VWF: variants seen among roughly 807,000 people sequenced by gnomAD.
The protein encoded by VWF is von Willebrand factor.
VWF carries 176 observed loss-of-function variants against 308.6 expected under a neutral mutation model. The ratio of observed to expected loss-of-function variants is 0.57; its 90% CI spans 0.50 to 0.65. The LOEUF (loss-of-function observed/expected upper bound fraction) is 0.65. Ranked by LOEUF, VWF falls within the 30% of genes least tolerant of loss-of-function variation. The probability of loss-of-function intolerance (pLI) is 0.00; values close to 1 mark genes in which losing one functional copy is unlikely to be tolerated. For missense variants in VWF, 3,146 were observed against 3,648.2 expected (o/e 0.86, Z 3.55); for synonymous variants, 1,385 against 1,443.4 (o/e 0.96, Z 0.92).
chr12:6,023,910 A>G (rs1359292213), intron 24 of VWF, 123 bp from the exon 25 acceptor site: 3 of 1,016,676 alleles, frequency 3.0e-6, no homozygotes, highest in Non-Finnish European at 3.0e-6. Flanking sequence ...AGAAGGAGAA[A>G]TGTAGCTCAA....
At chr12:6,043,591 T>G (rs1221757942) in intron 18 of VWF, among the ~76,000 whole-genome samples, 1 of 152,234 alleles carries the variant, frequency 6.6e-6, no homozygotes, top group African/African-American at 2.4e-5. Context: ...CTGGCTAAGA[T>G]TAGACTTGGG....
chr12:6,086,804 T>C (rs576571407), intron 6 of VWF, among the ~76,000 whole-genome samples: 13 of 152,190 alleles, frequency 8.5e-5, no homozygotes, highest in Non-Finnish European at 1.5e-4. Flanking sequence ...AATGAGAACA[T>C]GAAGAGTGAA....
intron 20 of VWF, among the ~76,000 whole-genome samples, chr12:6,033,898 G>T (rs889466516): frequency 2.0e-5 from 3 of 152,208 alleles, no homozygotes; most frequent in African/African-American, 7.2e-5. Context: ...GGAGACAGAG[G>T]GACCATATTT....
chr12:6,049,691 C>T (rs908762382), intron 16 of VWF, among the ~76,000 whole-genome samples: 3 of 152,256 alleles, frequency 2.0e-5, no homozygotes, highest in African/African-American at 7.2e-5. Flanking sequence ...CAAGTCATGC[C>T]TGCCCAACAG....
intron 47 of VWF, among the ~76,000 whole-genome samples, chr12:5,959,838 A>C (rs1393412025): frequency 6.6e-6 from 1 of 151,840 alleles, no homozygotes; most frequent in Non-Finnish European, 1.5e-5. Flanking sequence ...TACAGCAAAA[A>C]CAGTTCTTGA....
Position 6,018,407 on chromosome 12 carries a change from A to G in VWF, c.5011T>C (p.Ser1671Pro). The G allele has an allele frequency of 6.2e-7, 1 of 1,611,672 alleles. No homozygotes were observed. The highest frequency in any genetic ancestry group is 1.8e-4 in the Middle Eastern group (1 of 5,650). ...GTGGGGATCTGCAGCCCCTCTCCGG[A>G]GCAGCACCTCTGCAGCACCAGGTCA... is the stretch of plus-strand genomic sequence containing the variant. ...APDLVLQRCC[S>P]GEGLQIPTLS... The change falls in exon 28 of 52, where the codon TCC becomes CCC. Residue 1671 changes from serine (S) to proline (P), a missense_variant. Ser to Pro is a moderately conservative substitution (Grantham distance 74). This residue lies in a region of VWF where 853 missense variants were observed against 1,177.8 expected (regional missense o/e 0.72). Coordinates refer to ENST00000261405, the MANE Select transcript of VWF (RefSeq NM_000552.5).
intron 21 of VWF, 101 bp downstream of exon 21, chr12:6,031,341 TTA>T: frequency 9.4e-6 from 15 of 1,597,286 alleles, no homozygotes; most frequent in Non-Finnish European, 1.2e-5. Context: ...TGGCTGTGCG[TTA>T]TTCCATTCAC....
chr12:6,048,638 T>G (rs1944473847), intron 16 of VWF, among the ~76,000 whole-genome samples: 1 of 152,056 alleles, frequency 6.6e-6, no homozygotes, highest in Non-Finnish European at 1.5e-5. Context: ...AATTTTTGTA[T>G]GTTTAGTGGA....
At chr12:6,036,581 T>G (rs1386783340) in intron 18 of VWF, 90 bp from the exon 19 acceptor site, 1 of 1,259,604 alleles carries the variant, frequency 7.9e-7, no homozygotes, top group Non-Finnish European at 1.1e-6. Flanking sequence ...TGTCTGAGAC[T>G]TGAGCCTACG....
rs778359331 is a variant in VWF at position 5,949,220 on chromosome 12, GA to G, written c.8254-18del. 1 of 1,612,136 alleles carries G rather than the reference GA, an allele frequency of 6.2e-7. No individual in the cohort carries two copies. On this transcript the variant is annotated intron_variant, in intron 51 of 51. Transcript: ENST00000261405. Reference sequence around the variant, plus strand: ...ACATTTGCCCTGCAAGAAAGCAGAGGAAGATGGGAGCTTCACAATGGTGGGA... The same window carrying G: ...ACATTTGCCCTGCAAGAAAGCAGAGGAGATGGGAGCTTCACAATGGTGGGA...
intron 48 of VWF, among the ~76,000 whole-genome samples, chr12:5,953,222 T>C (rs1392001714): frequency 6.6e-6 from 1 of 151,220 alleles, no homozygotes; most frequent in Non-Finnish European, 1.5e-5. Flanking sequence ...CAAGACTCCA[T>C]CTCAAGAAAG....
chr12:5,984,001 T>C (rs541156765), intron 40 of VWF, among the ~76,000 whole-genome samples: 12 of 120,332 alleles, frequency 1.0e-4, no homozygotes, highest in South Asian at 3.0e-4. Flanking sequence ...GATAGATAGA[T>C]AGATAGATAG....
At chr12:6,102,861 T>C (rs1417045899) in intron 5 of VWF, among the ~76,000 whole-genome samples, 1 of 152,208 alleles carries the variant, frequency 6.6e-6, no homozygotes, top group Non-Finnish European at 1.5e-5. Flanking sequence ...CCAATGTCAT[T>C]TTTCACAGAA....
At chr12:6,053,704 C>A (rs1486316114) in intron 15 of VWF, among the ~76,000 whole-genome samples, 2 of 152,228 alleles carry the variant, frequency 1.3e-5, no homozygotes, top group Non-Finnish European at 2.9e-5. Flanking sequence ...AGTATCCTCA[C>A]TGGATGGAAT....
intron 34 of VWF, 59 bp from the exon 35 acceptor site, chr12:5,996,281 ATGC>A (rs1215839216): frequency 6.6e-7 from 1 of 1,509,178 alleles, no homozygotes; most frequent in Non-Finnish European, 9.0e-7. Flanking sequence ...TGCCTACTAC[ATGC>A]AGACAGGCAG....
rs1558519 is a variant in VWF at position 6,044,572 on chromosome 12, A to G, written c.2282-121T>C. On this transcript the variant is annotated intron_variant, in intron 17 of 51. Coordinates refer to ENST00000261405, the MANE Select transcript of VWF (RefSeq NM_000552.5). ...TCAAGAGACTCAGAGTTGCCCACTCACGGGGACCAGCAGCTGCCTGAGCCA... is the reference window on the plus strand; with the variant it reads ...TCAAGAGACTCAGAGTTGCCCACTCGCGGGGACCAGCAGCTGCCTGAGCCA... The G allele has an allele frequency of 0.36, 466,595 of 1,308,192 alleles. 88,491 individuals carry two copies. The highest frequency in any genetic ancestry group is 0.58 in the African/African-American group (39,507 of 68,206). The allele number at this position is 1,308,192 out of a possible 1,614,324, so 81.0% of individuals were successfully genotyped here.
At chr12:5,980,177 G>GAGAA (rs1555191380) in intron 42 of VWF, among the ~76,000 whole-genome samples, 2 of 67,892 alleles carry the variant, frequency 2.9e-5, no homozygotes, top group Non-Finnish European at 5.9e-5. Context: ...GAGGGAGGGA[G>GAGAA]GGAGGGAGGG....
intron 15 of VWF, among the ~76,000 whole-genome samples, chr12:6,053,680 G>T (rs1422642479): frequency 1.3e-5 from 2 of 152,218 alleles, no homozygotes; most frequent in African/African-American, 4.8e-5. Flanking sequence ...CTAGCTGGCT[G>T]TGTGATCTTG....
In VWF at chr12:6,052,756, T is replaced by G. The variant is rs764659038; in HGVS notation, c.1973A>C (p.Tyr658Ser). The G allele has an allele frequency of 1.9e-6, 3 of 1,613,158 alleles. No individual in the cohort carries two copies. The highest frequency in any genetic ancestry group is 1.7e-5 in the Admixed American group (1 of 59,912). The change falls in exon 16 of 52, where the codon TAC becomes TCC. Residue 658 changes from tyrosine (Y) to serine (S), a missense_variant. Around this residue, in one of 3 missense-constraint regions of VWF, gnomAD observed 1,304 missense variants for 1,353.0 expected, o/e 0.96. Transcript: ENST00000261405. ...GTTGCAGGGGGTCCCGCACTGCAGG[T>G]ACACCTGGCCTTTCGGGCAGTTCAG... is the stretch of plus-strand genomic sequence containing the variant. ...CELNCPKGQV[Y>S]LQCGTPCNLT... is the part of the protein sequence containing the mutation.
Sources: allele counts gnomAD v4.1 joint callset (sites outside exome capture counted in the v4.1 genomes callset), GRCh38; gene constraint gnomAD v4.1.1; regional missense constraint gnomAD v4.1.1; transcripts MANE v1.5; gene names NCBI Gene and HGNC (gene_info 2026-07-23, HGNC 2026-07-21).